Variants in LAMA1 observed in about 807,000 individuals in gnomAD.
LAMA1 encodes laminin subunit alpha 1.
A neutral mutation model predicts 348.7 loss-of-function variants in LAMA1; 219 were observed. The ratio of observed to expected loss-of-function variants is 0.63; its 90% confidence interval spans 0.56 to 0.70. The LOEUF (loss-of-function observed/expected upper bound fraction) is 0.70, where lower values mean the gene tolerates loss of function less well. Ranked by LOEUF, LAMA1 falls within the 30% of genes least tolerant of loss-of-function variation. LAMA1 has a pLI of 0.00. For synonymous variants in LAMA1, 1,487 were observed against 1,491.0 expected, an observed-to-expected ratio of 1.00 and a Z score of 0.06; for missense variants, 3,744 against 3,888.0, an observed-to-expected ratio of 0.96 and a Z score of 0.99.
chr18:6,976,210 G>A, intron 44 of LAMA1, 130 bp from the exon 45 acceptor site: 1 of 848,978 alleles, frequency 1.2e-6, no homozygotes, highest in Non-Finnish European at 2.0e-6. Context: ...ACATACAATG[G>A]TTCATGTTTC....
chr18:7,117,616 C>T (rs763000701), intron 1 of LAMA1, 44 bp downstream of exon 1: 1 of 1,584,664 alleles, frequency 6.3e-7, no homozygotes, highest in South Asian at 1.1e-5. Flanking sequence ...CCCCGCCCGC[C>T]CGCCTGCGGG....
At chr18:6,965,230 A>G in intron 50 of LAMA1, 58 bp downstream of exon 50, 2 of 1,606,054 alleles carry the variant, frequency 1.2e-6, no homozygotes, top group South Asian at 2.2e-5. Flanking sequence ...CTGATTTTGA[A>G]AAGATTTCTA....
intron 17 of LAMA1, 78 bp from the exon 18 acceptor site, chr18:7,024,544 T>G: frequency 8.6e-7 from 1 of 1,168,996 alleles, no homozygotes; most frequent in South Asian, 1.3e-5. Flanking sequence ...GCTTCATTTC[T>G]ACTACTCCTG....
chr18:6,997,245 G>A (rs539071809), intron 33 of LAMA1, among the ~76,000 whole-genome samples: 3 of 152,050 alleles, frequency 2.0e-5, no homozygotes, highest in Non-Finnish European at 2.9e-5. Flanking sequence ...TGTATTTTTG[G>A]TAGAGATGGG....
intron 1 of LAMA1, among the ~76,000 whole-genome samples, chr18:7,080,673 G>A (rs2058189882): frequency 1.3e-5 from 2 of 152,194 alleles, no homozygotes; most frequent in Non-Finnish European, 2.9e-5. Flanking sequence ...AACCATTGTT[G>A]CAGGGGGTGG....
chr18:7,062,045 A>G (rs1397123986), intron 3 of LAMA1, among the ~76,000 whole-genome samples: 1 of 152,172 alleles, frequency 6.6e-6, no homozygotes, highest in East Asian at 1.9e-4. Context: ...GCCCACTAAC[A>G]ATTTTTCACT....
intron 1 of LAMA1, among the ~76,000 whole-genome samples, chr18:7,090,377 A>G (rs1435876422): frequency 6.6e-6 from 1 of 152,170 alleles, no homozygotes; most frequent in Non-Finnish European, 1.5e-5. Context: ...TATGACTCTA[A>G]TAAAGAGATC....
chr18:7,044,674 G>T, intron 7 of LAMA1, 48 bp downstream of exon 7: 1 of 1,382,980 alleles, frequency 7.2e-7, no homozygotes, highest in Non-Finnish European at 1.0e-6. Flanking sequence ...AACTTGGGAC[G>T]TATTAAGAGG....
Position 7,037,715 on chromosome 18 carries a change from T to C in LAMA1, c.1600A>G (p.Ile534Val), listed in dbSNP as rs1259790567. The change falls in exon 12 of 63, where the codon ATC (isoleucine) becomes GTC (valine). Residue 534 changes from isoleucine (I) to valine (V), a missense_variant. By Grantham distance (29) the Ile-to-Val change is conservative. Around this residue, in one of 3 missense-constraint regions of LAMA1, gnomAD observed 1,529 missense variants for 1,689.4 expected, o/e 0.91. Transcript: ENST00000389658. The stretch of plus-strand genomic sequence containing the variant: ...TGAGACGGGATCTTCCTGGGACTGA[T>C]CAAGTCGGTGACCAGCCACCCGGAC... ...SMSGWLVTDL[I>V]SPRKIPSQQD... is the part of the protein sequence containing the mutation. The C allele has an allele frequency of 1.4e-5, 22 of 1,614,180 alleles. No homozygotes were observed. The highest frequency in any genetic ancestry group is 1.9e-5 in the Non-Finnish European group (22 of 1,180,026).
At chr18:7,063,811 T>C (rs936169448) in intron 3 of LAMA1, among the ~76,000 whole-genome samples, 3 of 152,156 alleles carry the variant, frequency 2.0e-5, no homozygotes, top group African/African-American at 2.4e-5. Flanking sequence ...AGTAATCAAA[T>C]TCATAGACAA....
intron 58 of LAMA1, among the ~76,000 whole-genome samples, chr18:6,949,563 T>C (rs1220867679): frequency 6.6e-6 from 1 of 152,232 alleles, no homozygotes; most frequent in East Asian, 1.9e-4. Flanking sequence ...CCTCATAAGC[T>C]GTCTTTGCTA....
Position 7,011,340 on chromosome 18 carries a change from G to T in LAMA1, c.3647C>A (p.Pro1216Gln). 6.2e-7 allele frequency: 1 copy of T among 1,612,462 alleles called. No individual in the cohort carries two copies. Among genetic ancestry groups the T allele is most frequent in the Non-Finnish European group, 8.5e-7 (1 of 1,179,658 alleles). ...CTGCTGCGGCAGCCGCCAGTAAAAC[G>T]GCTCTGCACGGATGTGCTGCCGGAC... ...ATVRQHIRAEPFYWRLPQQFQ... is the reference protein window; with the variant it reads ...ATVRQHIRAEQFYWRLPQQFQ... Residue 1216 changes from proline to glutamine, a missense_variant, in exon 25 of 63, where the codon CCG becomes CAG. Transcript: ENST00000389658.
At position 6,941,796 on chromosome 18, in the gene LAMA1, C is replaced by G. The variant is rs2057499728; in HGVS notation, c.*283G>C. ...TTTTTAAAAAGCTCAAAATGAAAAA[C>G]ATAAAATACTATCAAGTAATCAACA... On this transcript the variant is annotated 3_prime_UTR_variant, in exon 63 of 63. Transcript: ENST00000389658. 4 of 409,786 alleles carry G rather than the reference C, an allele frequency of 9.8e-6. No individual in the cohort carries two copies. The highest frequency in any genetic ancestry group is 9.5e-5 in the South Asian group (4 of 42,144). The allele number at this position is 409,786 out of a possible 1,614,324, so 25.4% of individuals were successfully genotyped here.
At chr18:7,000,296 G>A (rs979642148) in intron 30 of LAMA1, among the ~76,000 whole-genome samples, 1 of 152,244 alleles carries the variant, frequency 6.6e-6, no homozygotes, top group East Asian at 1.9e-4. Context: ...CCCAACAAGA[G>A]AGTGTCCCAA....
chr18:6,966,341 T>C (rs1229821971), intron 48 of LAMA1, 44 bp from the exon 49 acceptor site: 9 of 1,576,578 alleles, frequency 5.7e-6, no homozygotes, highest in Non-Finnish European at 6.9e-6. Context: ...CTCAGGAGGG[T>C]AGAAAGAACC....
At chr18:7,116,440 A>G (rs1190053021) in intron 1 of LAMA1, among the ~76,000 whole-genome samples, 1 of 152,170 alleles carries the variant, frequency 6.6e-6, no homozygotes, top group Non-Finnish European at 1.5e-5. Context: ...ACTCGCAGCT[A>G]TTCAATGCTG....
Position 7,024,406 on chromosome 18 carries a change from C to A in LAMA1, c.2463G>T (p.Pro821=), listed in dbSNP as rs201917302. The A allele has an allele frequency of 6.2e-7, 1 of 1,613,926 alleles. No homozygotes were observed. Among genetic ancestry groups the A allele is most frequent in the South Asian group, 1.1e-5 (1 of 91,048 alleles). ...GDEVVCDWCA[P]GYSGAWCERC... ...TCTCACACCAAGCTCCTGAGTAGCC[C>A]GGGGCACACCAGTCACAGACCACTT... The change falls in exon 18 of 63, where the codon CCG becomes CCT. Residue 821 remains proline, a synonymous_variant. Transcript: ENST00000389658.
rs567358367 is a variant in LAMA1, at chr18:7,117,447, T to C, written c.61+213A>G. Among the ~76,000 whole-genome samples the C allele has an allele frequency of 2.2e-3, 331 of 152,108 alleles. 3 individuals are homozygous for C. Among genetic ancestry groups the C allele is most frequent in the African/African-American group, 7.6e-3 (314 of 41,490 alleles). On this transcript the variant is annotated intron_variant, in intron 1 of 62. Coordinates refer to ENST00000389658, the MANE Select transcript of LAMA1 (RefSeq NM_005559.4). ...GCCCGAGGAGGTTAAAGCCTAAGCCTGCAAAGAGCGGGCAGCGTCCGGCAG... is the reference window on the plus strand; with the variant it reads ...GCCCGAGGAGGTTAAAGCCTAAGCCCGCAAAGAGCGGGCAGCGTCCGGCAG...
chr18:7,088,086 T>C (rs1216505622), intron 1 of LAMA1, among the ~76,000 whole-genome samples: 1 of 152,184 alleles, frequency 6.6e-6, no homozygotes, highest in African/African-American at 2.4e-5. Context: ...GAAAAGCACA[T>C]ACCTCGAAAT....
Sources: gnomAD v4.1 joint callset for allele counts (sites outside exome capture counted in the v4.1 genomes callset) on GRCh38, gnomAD v4.1.1 for gene constraint, gnomAD v4.1.1 regional missense constraint, MANE v1.5 for transcripts, NCBI Gene and HGNC (gene_info 2026-07-23, HGNC 2026-07-21) for gene names.